The following MED13L variants were observed in gnomAD, a reference collection of about 807,000 sequenced individuals.
MED13L encodes mediator of RNA polymerase II transcription subunit 13-like.
Under a neutral mutation model 220.9 loss-of-function variants are expected in MED13L, and 7 were observed. That is an observed-to-expected ratio of 0.03 (90% CI 0.02 to 0.06). The LOEUF is 0.06. Ranked by LOEUF, MED13L falls within the 10% of genes least tolerant of loss-of-function variation. The pLI is 1.00. For missense variants in MED13L, 1,965 were observed against 2,760.5 expected (o/e 0.71, Z 6.46); for synonymous variants, 1,011 against 1,015.2 (o/e 1.00, Z 0.08).
At chr12:116,138,096 T>G (rs1319607859) in intron 2 of MED13L, among the ~76,000 whole-genome samples, 1 of 151,996 alleles carries the variant, frequency 6.6e-6, no homozygotes, top group Non-Finnish European at 1.5e-5. Flanking sequence ...CCTCAGGCAA[T>G]CCGCCCGCCT....
chr12:116,237,418 T>G (rs931385955), intron 2 of MED13L, 50 bp downstream of exon 2: 1 of 1,405,910 alleles, frequency 7.1e-7, no homozygotes, highest in African/African-American at 1.4e-5. Context: ...TTATCAATGT[T>G]CAAAAAAATA....
At chr12:115,993,506 T>C (rs1045864321) in intron 16 of MED13L, among the ~76,000 whole-genome samples, 1 of 151,526 alleles carries the variant, frequency 6.6e-6, no homozygotes, top group African/African-American at 2.4e-5. Context: ...TCAGGCACTG[T>C]AAAGAAATAT....
chr12:116,117,654 A>C (rs1417486117), intron 2 of MED13L, among the ~76,000 whole-genome samples: 1 of 152,016 alleles, frequency 6.6e-6, no homozygotes, highest in East Asian at 1.9e-4. Context: ...CTCCATTCAT[A>C]AAGTATTAAA....
intron 7 of MED13L, among the ~76,000 whole-genome samples, chr12:116,017,655 G>A (rs1358851071): frequency 3.3e-5 from 5 of 152,016 alleles, no homozygotes; most frequent in South Asian, 2.1e-4. Flanking sequence ...TAGCTCCGTC[G>A]ACCATGGTGG....
Position 116,096,765 on chromosome 12 carries a change from C to T in MED13L, c.396-13G>A, listed in dbSNP as rs1471123318. On this transcript the variant is annotated splice_polypyrimidine_tract_variant and intron_variant, in intron 3 of 30. Transcript: ENST00000281928. Reference sequence around the variant, plus strand: ...ATCCATTAGGCACCTAAAATAATTACATCAAGAATTACTTTTATAGTATCA... The same window carrying T: ...ATCCATTAGGCACCTAAAATAATTATATCAAGAATTACTTTTATAGTATCA... 8 of 1,595,840 alleles carry T rather than the reference C, an allele frequency of 5.0e-6. No individual in the cohort carries two copies. Among genetic ancestry groups the T allele is most frequent in the Non-Finnish European group, 6.9e-6 (8 of 1,163,638 alleles).
chr12:115,975,850 T>TTCTC (rs147570553), intron 23 of MED13L, 112 bp from the exon 24 acceptor site: 5 of 909,406 alleles, frequency 5.5e-6, no homozygotes, highest in Admixed American at 2.1e-5. Context: ...AGTAAATCGT[T>TTCTC]TCTCTCTCTC....
chr12:116,043,667 G>T (rs899638855), intron 4 of MED13L, among the ~76,000 whole-genome samples: 3 of 152,154 alleles, frequency 2.0e-5, no homozygotes, highest in Non-Finnish European at 4.4e-5. Context: ...CATAGTATGT[G>T]TGCATGCATG....
In MED13L at chr12:116,086,831, G is replaced by A. The variant is rs77556210; in HGVS notation, c.479+9838C>T. ...TTTCCTTTGACTCCATAAAAGGATA[G>A]CAACAGAACCACAATGCTAGTAAAC... On this transcript the variant is annotated intron_variant, in intron 4 of 30. Coordinates refer to ENST00000281928, the MANE Select transcript of MED13L (RefSeq NM_015335.5). Among the ~76,000 whole-genome samples, 1,002 of 152,188 alleles carry A rather than the reference G, an allele frequency of 6.6e-3. 9 individuals are homozygous for A. The highest frequency in any genetic ancestry group is 0.023 in the African/African-American group (941 of 41,510).
chr12:116,050,159 G>C (rs554386153), intron 4 of MED13L, among the ~76,000 whole-genome samples: 108 of 152,250 alleles, frequency 7.1e-4, no homozygotes, highest in African/African-American at 2.5e-3. Context: ...CGACTCCATG[G>C]AAGTTAAAAT....
intron 2 of MED13L, among the ~76,000 whole-genome samples, chr12:116,121,850 G>A (rs1875123710): frequency 6.6e-6 from 1 of 152,116 alleles, no homozygotes; most frequent in South Asian, 2.1e-4. Context: ...GCAAATATTG[G>A]AGGTGGGGGA....
rs374189459 is a variant in MED13L at position 116,193,069 on chromosome 12, C to T, written c.310+44399G>A. Among the ~76,000 whole-genome samples the T allele has an allele frequency of 1.4e-4, 21 of 151,996 alleles. 1 individual carries two copies. Among genetic ancestry groups the T allele is most frequent in the African/African-American group, 4.8e-4 (20 of 41,426 alleles). On this transcript the variant is annotated intron_variant, in intron 2 of 30. Coordinates refer to ENST00000281928, the MANE Select transcript of MED13L (RefSeq NM_015335.5). Reference sequence around the variant, plus strand: ...CCTGAACTGGGGAGGCGGAGGTTCGCAGTGAGCCGAGATCATGCCACTGCA... The same window carrying T: ...CCTGAACTGGGGAGGCGGAGGTTCGTAGTGAGCCGAGATCATGCCACTGCA...
At chr12:116,202,812 G>C (rs759663023) in intron 2 of MED13L, among the ~76,000 whole-genome samples, 1 of 152,078 alleles carries the variant, frequency 6.6e-6, no homozygotes, top group Non-Finnish European at 1.5e-5. Flanking sequence ...ATTCAATAAG[G>C]CTTCAGAAAA....
At chr12:116,179,119 G>C (rs916122824) in intron 2 of MED13L, among the ~76,000 whole-genome samples, 1 of 152,070 alleles carries the variant, frequency 6.6e-6, no homozygotes, top group South Asian at 2.1e-4. Context: ...GAAAGGTACT[G>C]AATAACTCTG....
At chr12:116,036,039 G>A (rs1296124519) in intron 4 of MED13L, among the ~76,000 whole-genome samples, 1 of 152,002 alleles carries the variant, frequency 6.6e-6, no homozygotes, top group East Asian at 1.9e-4. Context: ...TTATTTTGAT[G>A]GTCTCCCTCA....
chr12:116,007,452 A>T lies in MED13L; in HGVS notation c.2197T>A (p.Cys733Ser), dbSNP rs150711606. 3.8e-5 allele frequency: 62 copies of T among 1,613,656 alleles called. No homozygotes were observed. The highest frequency in any genetic ancestry group is 5.0e-5 in the Non-Finnish European group (59 of 1,179,878). ...IKYIFTANKKCKQGTEKDSLK... is the reference protein window; with the variant it reads ...IKYIFTANKKSKQGTEKDSLK... ...GAATCTTTCTCCGTCCCTTGTTTGC[A>T]TTTCTTGTTGGCTGTAAAGATGTAT... The change falls in exon 11 of 31, where the codon TGC (cysteine) becomes AGC (serine). Residue 733 changes from cysteine (C) to serine (S), a missense_variant. Physicochemically the swap from Cys to Ser is moderately radical, Grantham distance 112. Coordinates refer to ENST00000281928, the MANE Select transcript of MED13L (RefSeq NM_015335.5).
intron 2 of MED13L, among the ~76,000 whole-genome samples, chr12:116,191,522 G>A (rs1056117838): frequency 5.9e-5 from 9 of 151,844 alleles, no homozygotes; most frequent in African/African-American, 1.7e-4. Context: ...TAGAGATGGG[G>A]TTTCACCATG....
At chr12:116,087,619 T>C (rs1340173195) in intron 4 of MED13L, among the ~76,000 whole-genome samples, 3 of 152,154 alleles carry the variant, frequency 2.0e-5, no homozygotes, top group Non-Finnish European at 4.4e-5. Context: ...CAGGCAGCCA[T>C]CCCTCAATCG....
At chr12:116,169,898 TC>T (rs1171928261) in intron 2 of MED13L, among the ~76,000 whole-genome samples, 1 of 152,126 alleles carries the variant, frequency 6.6e-6, no homozygotes, top group Non-Finnish European at 1.5e-5. Flanking sequence ...CCACCTGTGC[TC>T]CCAGCTACTT....
At chr12:116,233,396 A>T (rs2138441462) in intron 2 of MED13L, among the ~76,000 whole-genome samples, 1 of 152,268 alleles carries the variant, frequency 6.6e-6, no homozygotes, top group African/African-American at 2.4e-5. Flanking sequence ...TTACTAAGTT[A>T]ATCTTCCTAA....
Sources: gnomAD v4.1 joint callset for allele counts (sites outside exome capture counted in the v4.1 genomes callset) on GRCh38, gnomAD v4.1.1 for gene constraint, MANE v1.5 for transcripts, NCBI Gene and HGNC (gene_info 2026-07-23, HGNC 2026-07-21) for gene names.